Variants in ODAD2 observed in about 807,000 individuals in gnomAD.
The protein encoded by ODAD2 is outer dynein arm docking complex subunit 2.
In ODAD2, 89 loss-of-function variants were observed where a neutral mutation model predicts 106.8. That is an observed-to-expected ratio of 0.83 (90% CI 0.70 to 0.99). The LOEUF (loss-of-function observed/expected upper bound fraction) is 0.99, where lower values mean the gene tolerates loss of function less well. Ranked by LOEUF, ODAD2 falls within the 50% of genes least tolerant of loss-of-function variation. The pLI is 0.00. For missense variants in ODAD2, 1,168 were observed against 1,238.5 expected (o/e 0.94, Z 0.85); for synonymous variants, 404 against 436.2 (o/e 0.93, Z 0.92).
chr10:27,974,690 T>G (rs1178093404), intron 7 of ODAD2, among the ~76,000 whole-genome samples: 2 of 64,524 alleles, frequency 3.1e-5, no homozygotes, highest in African/African-American at 1.1e-4. Flanking sequence ...TCTGTTTTTG[T>G]TTTTTTTTTT....
At chr10:27,994,452 T>C (rs2133226647) in intron 2 of ODAD2, among the ~76,000 whole-genome samples, 1 of 152,168 alleles carries the variant, frequency 6.6e-6, no homozygotes. Flanking sequence ...ATGGATGACC[T>C]GGTGTGGTGG....
rs147550795 is a variant in ODAD2, at chr10:27,921,311, GAA to G, written c.2496-13536_2496-13535del. Among the ~76,000 whole-genome samples the G allele has an allele frequency of 2.1e-5, 3 of 141,106 alleles. No individual in the cohort carries two copies. The East Asian group carries it at 6.1e-4, about 29-fold the overall frequency. 92.6% of individuals were successfully genotyped at this position (141,106 alleles called of 152,430 possible). On this transcript the variant is annotated intron_variant, in intron 16 of 19. Coordinates refer to ENST00000305242, the MANE Select transcript of ODAD2 (RefSeq NM_018076.5). ...CCCCACCTCCAACGAAAAAAAAAAA[GAA>G]AAAAAAAAGAACATGAAATTTAACT...
chr10:27,862,502 C>T lies in ODAD2; in HGVS notation c.2731G>A (p.Asp911Asn). The change falls in exon 18 of 20, where the codon GAT (aspartate) becomes AAT (asparagine). Residue 911 changes from aspartate to asparagine, a missense_variant. Asp to Asn is a conservative substitution (Grantham distance 23). Transcript: ENST00000305242. ...VCAAITNIAK[D>N]QENLAVITDH... ...GTGATAACAGCTAAATTTTCTTGAT[C>T]TTTTGCTATGTTGGTAATGGCAGCA... The T allele has an allele frequency of 6.2e-7, 1 of 1,612,722 alleles. No individual in the cohort carries two copies. The highest frequency in any genetic ancestry group is 8.5e-7 in the Non-Finnish European group (1 of 1,179,424).
At chr10:27,918,898 C>A (rs1844580406) in intron 16 of ODAD2, among the ~76,000 whole-genome samples, 2 of 147,182 alleles carry the variant, frequency 1.4e-5, no homozygotes, top group Non-Finnish European at 1.5e-5. Context: ...AATTATGTAT[C>A]CATTACTTGT....
intron 17 of ODAD2, among the ~76,000 whole-genome samples, chr10:27,879,625 T>C (rs1461604796): frequency 6.6e-6 from 1 of 152,028 alleles, no homozygotes; most frequent in Non-Finnish European, 1.5e-5. Context: ...AATCTAACTA[T>C]ATGATGTATT....
At chr10:27,986,002 TG>T (rs1389109387) in intron 3 of ODAD2, among the ~76,000 whole-genome samples, 3 of 151,864 alleles carry the variant, frequency 2.0e-5, no homozygotes, top group Non-Finnish European at 4.4e-5. Flanking sequence ...TGCATTGAGA[TG>T]GGGGTGGAGA....
chr10:27,943,709 C>T (rs1288641909), intron 12 of ODAD2, among the ~76,000 whole-genome samples: 10 of 141,676 alleles, frequency 7.1e-5, no homozygotes, highest in Non-Finnish European at 7.5e-5. Context: ...ATTGCTTGAA[C>T]GCTTGAACCC....
intron 19 of ODAD2, among the ~76,000 whole-genome samples, chr10:27,846,835 A>G (rs1226268859): frequency 6.6e-6 from 1 of 151,686 alleles, no homozygotes; most frequent in Non-Finnish European, 1.5e-5. Context: ...AGAAATGGAT[A>G]AATTCCTGGA....
At chr10:27,960,461 C>T (rs568935189) in intron 10 of ODAD2, among the ~76,000 whole-genome samples, 40 of 151,518 alleles carry the variant, frequency 2.6e-4, no homozygotes, top group Non-Finnish European at 3.5e-4. Context: ...ATTCTCCTGC[C>T]TCAGCATCCC....
At chr10:27,941,392 G>A (rs1590085661) in intron 12 of ODAD2, among the ~76,000 whole-genome samples, 2 of 151,578 alleles carry the variant, frequency 1.3e-5, no homozygotes, top group Non-Finnish European at 2.9e-5. Flanking sequence ...GGCTGAGGTG[G>A]GAGGATTGTT....
In ODAD2 at chr10:27,907,751, C is replaced by T. The variant is rs773324248; in HGVS notation, c.2522G>A (p.Arg841His). 19 of 1,613,522 alleles carry T rather than the reference C, an allele frequency of 1.2e-5. No homozygotes were observed. Among genetic ancestry groups the T allele is most frequent in the East Asian group, 1.1e-4 (5 of 44,852 alleles). Residue 841 changes from arginine (R) to histidine (H), a missense_variant, in exon 17 of 20, where the codon CGT (arginine) becomes CAT (histidine). Arg to His is a conservative substitution (Grantham distance 29). This residue lies in a region of ODAD2 where 701 missense variants were observed against 712.3 expected (regional missense o/e 0.98). Transcript: ENST00000305242. ...MMIIDRLDGV[R>H]LLWSLLKNPH... The stretch of plus-strand genomic sequence containing the variant: ...ATTTTTCAGCAGGGACCACAACAAA[C>T]GAACTCCATCTAAGCGATCAATTAT...
rs774069311 is a variant in ODAD2 at position 27,936,831 on chromosome 10, A to C, written c.2147T>G (p.Leu716Arg). 38 of 1,613,868 alleles carry C rather than the reference A, an allele frequency of 2.4e-5. 1 individual carries two copies. The highest frequency in any genetic ancestry group is 2.0e-4 in the East Asian group (9 of 44,872). The change falls in exon 15 of 20, where the codon CTT becomes CGT. Residue 716 changes from leucine to arginine, a missense_variant. Leu to Arg is a moderately radical substitution (Grantham distance 102). This residue lies in a region of ODAD2 where 701 missense variants were observed against 712.3 expected (regional missense o/e 0.98). Coordinates refer to ENST00000305242, the MANE Select transcript of ODAD2 (RefSeq NM_018076.5). ...TRDLVRLHGG[L>R]KPLASLLNNT... ...ATTGAGTAGACTGGCCAAGGGCTTA[A>C]GTCCTCCGTGCAGCCTAACGAGGTC...
At chr10:27,913,196 G>A (rs547781143) in intron 16 of ODAD2, among the ~76,000 whole-genome samples, 27 of 151,932 alleles carry the variant, frequency 1.8e-4, no homozygotes, top group Middle Eastern at 6.8e-3. Flanking sequence ...ATTACGTGTC[G>A]CGGGGGTTTG....
At chr10:27,819,053 C>G (rs1384136589) in intron 19 of ODAD2, among the ~76,000 whole-genome samples, 1 of 152,176 alleles carries the variant, frequency 6.6e-6, no homozygotes, top group Non-Finnish European at 1.5e-5. Flanking sequence ...AAACATACAT[C>G]TTTAATAGAT....
intron 16 of ODAD2, 100 bp downstream of exon 16, chr10:27,934,910 A>G: frequency 7.2e-7 from 1 of 1,396,722 alleles, no homozygotes; most frequent in Non-Finnish European, 9.9e-7. Flanking sequence ...TTTTTTCATC[A>G]TTCGTGCACA....
chr10:27,837,383 C>A (rs964323910), intron 19 of ODAD2, among the ~76,000 whole-genome samples: 1 of 152,160 alleles, frequency 6.6e-6, no homozygotes, highest in South Asian at 2.1e-4. Flanking sequence ...ATCAGGTTGA[C>A]GTTCTGGCAA....
intron 17 of ODAD2, among the ~76,000 whole-genome samples, chr10:27,876,199 G>C (rs568228000): frequency 2.0e-5 from 3 of 152,112 alleles, no homozygotes; most frequent in South Asian, 2.1e-4. Context: ...AGAGAGTAGT[G>C]GTTCTCCCAG....
chr10:27,980,454 T>C (rs1849474503), intron 7 of ODAD2, among the ~76,000 whole-genome samples: 3 of 152,068 alleles, frequency 2.0e-5, no homozygotes, highest in African/African-American at 7.2e-5. Context: ...GGGGTTAATA[T>C]TGGGTATATA....
At chr10:27,878,438 C>T (rs979044821) in intron 17 of ODAD2, among the ~76,000 whole-genome samples, 2 of 152,104 alleles carry the variant, frequency 1.3e-5, no homozygotes. Context: ...CTTCTCTTGC[C>T]TCCAGCGAAA....
Sources: allele counts gnomAD v4.1 joint callset (sites outside exome capture counted in the v4.1 genomes callset), GRCh38; gene constraint gnomAD v4.1.1; regional missense constraint gnomAD v4.1.1; transcripts MANE v1.5; gene names NCBI Gene and HGNC (gene_info 2026-07-23, HGNC 2026-07-21).